The following TSFM variants were observed in gnomAD, a reference collection of about 807,000 sequenced individuals.
TSFM encodes the protein elongation factor Ts, mitochondrial.
In TSFM, 29 loss-of-function variants were observed where a neutral mutation model predicts 33.4. The observed-to-expected ratio is 0.87, with a 90% CI of 0.65 to 1.18. The LOEUF is 1.18. TSFM is among the 50% of genes most tolerant of loss of function. The pLI is 0.00. For missense variants in TSFM, 394 were observed against 395.6 expected (o/e 1.00, Z 0.04); for synonymous variants, 178 against 163.5 (o/e 1.09, Z -0.68).
chr12:57,801,937 T>G (rs1216751793), downstream of TSFM, among the ~76,000 whole-genome samples: 2 of 152,208 alleles, frequency 1.3e-5, no homozygotes, highest in Non-Finnish European at 2.9e-5. Flanking sequence ...CTGTTTATAC[T>G]TCACACTGCT....
At chr12:57,793,370 C>T (rs1955690475) in intron 5 of TSFM, among the ~76,000 whole-genome samples, 1 of 152,110 alleles carries the variant, frequency 6.6e-6, no homozygotes, top group South Asian at 2.1e-4. Flanking sequence ...CTACAGGCGC[C>T]TGCCATCACG....
chr12:57,796,378 A>G lies in TSFM; in HGVS notation c.773A>G (p.Gln258Arg). 2 of 1,603,228 alleles carry G rather than the reference A, an allele frequency of 1.2e-6. No individual in the cohort carries two copies. The highest frequency in any genetic ancestry group is 1.7e-6 in the Non-Finnish European group (2 of 1,174,678). The change falls in exon 6 of 6, where the codon CAG becomes CGG. Residue 258 changes from glutamine to arginine, a missense_variant. Gln to Arg is a conservative substitution (Grantham distance 43, BLOSUM62 1). Around this residue, in one of 3 missense-constraint regions of TSFM, gnomAD observed 186 missense variants for 198.8 expected, o/e 0.94. Transcript: ENST00000652027. ...NLEDVGRRLGQHVVGMAPLSV... is the reference protein window; with the variant it reads ...NLEDVGRRLGRHVVGMAPLSV... ...GAAGACGTTGGCCGCCGCCTTGGGC[A>G]GCATGTGGTGGGCATGGCCCCCCTC...
At position 57,782,812 on chromosome 12, in the gene TSFM, T is replaced by C. The variant is rs1955528756; in HGVS notation, c.11T>C (p.Leu4Pro). 1.9e-6 allele frequency: 3 copies of C among 1,592,392 alleles called. No individual in the cohort carries two copies. Among genetic ancestry groups the C allele is most frequent in the South Asian group, 1.1e-5 (1 of 87,628 alleles). ...ATCGCGGCTAGAGAGATGTCGCTGC[T>C]GCGGTCGCTGCGCGTGTTTCTGGTC... MSLLRSLRVFLVAR... is the reference protein window; with the variant it reads MSLPRSLRVFLVAR... The change falls in exon 1 of 6, where the codon CTG (leucine) becomes CCG (proline). Residue 4 changes from leucine to proline, a missense_variant. Coordinates refer to ENST00000652027, the MANE Select transcript of TSFM (RefSeq NM_005726.6).
At chr12:57,795,091 A>G (rs1390491995) in intron 5 of TSFM, among the ~76,000 whole-genome samples, 20 of 137,326 alleles carry the variant, frequency 1.5e-4, no homozygotes, top group Non-Finnish European at 2.0e-4. Context: ...ATATATATGT[A>G]TATATATATA....
At chr12:57,801,856 C>T (rs534427859), downstream of TSFM, among the ~76,000 whole-genome samples, 1 of 152,220 alleles carries the variant, frequency 6.6e-6, no homozygotes, top group Admixed American at 6.5e-5. Context: ...AAATAGGGAG[C>T]AATACTTCTA....
intron 4 of TSFM, among the ~76,000 whole-genome samples, chr12:57,792,583 T>A (rs987753425): frequency 8.6e-5 from 13 of 152,016 alleles, no homozygotes; most frequent in African/African-American, 3.1e-4. Flanking sequence ...TCTTAAAGAA[T>A]GTTTTCTTTC....
At chr12:57,787,479 C>T (rs1026983704) in intron 4 of TSFM, among the ~76,000 whole-genome samples, 12 of 152,032 alleles carry the variant, frequency 7.9e-5, no homozygotes, top group African/African-American at 2.9e-4. Context: ...AGAATTGGGC[C>T]CACTACTTAG....
At chr12:57,802,787 C>G, downstream of TSFM, 1 of 577,508 alleles carries the variant, frequency 1.7e-6, no homozygotes, top group South Asian at 2.4e-5. Context: ...AATGAGTCAC[C>G]AGGGCTGACC....
chr12:57,792,392 A>G (rs1322884592), intron 4 of TSFM, among the ~76,000 whole-genome samples: 1 of 152,228 alleles, frequency 6.6e-6, no homozygotes, highest in Non-Finnish European at 1.5e-5. Flanking sequence ...TATATTTAAA[A>G]GAAAAAGAAA....
chr12:57,783,250 A>T lies in TSFM; in HGVS notation c.198A>T (p.Lys66Asn), dbSNP rs1205965918. 1 of 1,613,864 alleles carries T rather than the reference A, an allele frequency of 6.2e-7. No individual in the cohort carries two copies. Among genetic ancestry groups the T allele is most frequent in the Non-Finnish European group, 8.5e-7 (1 of 1,179,878 alleles). Residue 66 changes from lysine (K) to asparagine (N), a missense_variant, in exon 2 of 6, where the codon AAA (lysine) becomes AAT (asparagine). Coordinates refer to ENST00000652027, the MANE Select transcript of TSFM (RefSeq NM_005726.6). ...GCTACTCCTTTGTAAATTGCAAGAA[A>T]GCTCTGGAGACTTGTGGCGGGGACC... is the stretch of plus-strand genomic sequence containing the variant. ...KTGYSFVNCKKALETCGGDLK... is the reference protein window; with the variant it reads ...KTGYSFVNCKNALETCGGDLK...
At position 57,787,044 on chromosome 12, in the gene TSFM, A is replaced by G; in HGVS notation, c.365A>G (p.Asn122Ser). 6.2e-7 allele frequency: 1 copy of G among 1,613,348 alleles called. No individual in the cohort carries two copies. Among genetic ancestry groups the G allele is most frequent in the South Asian group, 1.1e-5 (1 of 90,988 alleles). ...EGNTTVLVEV[N>S]CETDFVSRNL... ...TATATCAATTTGTTCCCACAGGTAA[A>G]CTGTGAGACAGATTTTGTTTCTAGA... Residue 122 changes from asparagine (N) to serine (S), a missense_variant, in exon 4 of 6, where the codon AAC becomes AGC. Coordinates refer to ENST00000652027, the MANE Select transcript of TSFM (RefSeq NM_005726.6).
chr12:57,802,390 C>T (rs923796326), downstream of TSFM: 185 of 1,557,642 alleles, frequency 1.2e-4, no homozygotes, highest in Non-Finnish European at 1.6e-4. Context: ...GTGTTCATAC[C>T]AAGGACTAAG....
chr12:57,787,256 T>G, intron 4 of TSFM, 94 bp downstream of exon 4: 1 of 1,248,688 alleles, frequency 8.0e-7, no homozygotes, highest in Non-Finnish European at 1.1e-6. Context: ...TCTCATTCTG[T>G]TACTTCACAT....
chr12:57,783,928 C>T (rs1190775711), intron 2 of TSFM: 1 of 702,654 alleles, frequency 1.4e-6, no homozygotes, highest in African/African-American at 1.7e-5. Context: ...CTTTAGACAT[C>T]TTAATCTTTC....
chr12:57,784,231 C>T (rs563503039), intron 2 of TSFM: 58 of 669,978 alleles, frequency 8.7e-5, no homozygotes, highest in East Asian at 8.5e-4. Flanking sequence ...AGATAAAAAA[C>T]GATACATCTC....
rs138534976 is a variant in TSFM at position 57,793,041 on chromosome 12, G to C, written c.539G>C (p.Gly180Ala). 1.0e-4 allele frequency: 165 copies of C among 1,613,732 alleles called. 1 individual carries two copies. The African/African-American group carries it at 1.9e-3, about 19-fold the overall frequency. The change falls in exon 5 of 6, where the codon GGC becomes GCC. Residue 180 changes from glycine (G) to alanine (A), a missense_variant. Gly to Ala is a moderately conservative substitution (Grantham distance 60). Around this residue, in one of 3 missense-constraint regions of TSFM, gnomAD observed 186 missense variants for 198.8 expected, o/e 0.94. Coordinates refer to ENST00000652027, the MANE Select transcript of TSFM (RefSeq NM_005726.6). ...CTTCCAGCTGGGCCTGACAGAGAAG[G>C]CTCACTCAAGGATCAGTTGGCTTTA... ...SGLPAGPDREGSLKDQLALAI... is the reference protein window; with the variant it reads ...SGLPAGPDREASLKDQLALAI...
chr12:57,799,042 A>G (rs1955793447), downstream of TSFM, among the ~76,000 whole-genome samples: 1 of 152,230 alleles, frequency 6.6e-6, no homozygotes, highest in Non-Finnish European at 1.5e-5. Context: ...AGACAAACAA[A>G]GGTCCTTCCT....
downstream of TSFM, chr12:57,798,011 A>G (rs750039328): frequency 1.3e-6 from 2 of 1,555,700 alleles, no homozygotes; most frequent in Non-Finnish European, 1.7e-6. Flanking sequence ...AGAGAAAACA[A>G]AGTTTCTAGT....
chr12:57,786,432 C>A (rs1490645699), intron 3 of TSFM, 141 bp downstream of exon 3: 9 of 1,082,758 alleles, frequency 8.3e-6, no homozygotes, highest in Middle Eastern at 3.2e-4. Context: ...CTCATGAAAC[C>A]CTGGGTATTA....
Sources: allele counts gnomAD v4.1 joint callset (sites outside exome capture counted in the v4.1 genomes callset), GRCh38; gene constraint gnomAD v4.1.1; regional missense constraint gnomAD v4.1.1; transcripts MANE v1.5; gene names NCBI Gene and HGNC (gene_info 2026-07-23, HGNC 2026-07-21).